AASS: variants seen among roughly 807,000 people sequenced by gnomAD.
The protein encoded by AASS is aminoadipate-semialdehyde synthase.
In AASS, 86 loss-of-function variants were observed where a neutral mutation model predicts 105.4. That is an observed-to-expected ratio of 0.82 (90% CI 0.69 to 0.98). The LOEUF is 0.98. AASS is among the 50% of genes least tolerant of loss of function. The pLI is 0.00. For missense variants in AASS, 1,048 were observed against 1,143.2 expected (o/e 0.92, Z 1.20); for synonymous variants, 381 against 394.8 (o/e 0.96, Z 0.41).
At chr7:122,083,198 T>C (rs1255372872) in intron 19 of AASS, among the ~76,000 whole-genome samples, 3 of 152,166 alleles carry the variant, frequency 2.0e-5, no homozygotes, top group African/African-American at 7.2e-5. Context: ...TTGTTCAAAC[T>C]GTTCAAAGGT....
At chr7:122,113,327 T>C in intron 10 of AASS, 98 bp from the exon 11 acceptor site, 2 of 1,159,036 alleles carry the variant, frequency 1.7e-6, no homozygotes, top group Non-Finnish European at 2.5e-6. Context: ...TTCATTATCA[T>C]TTGTAATTTT....
At chr7:122,140,418 G>A (rs528666746) in intron 1 of AASS, among the ~76,000 whole-genome samples, 2 of 143,502 alleles carry the variant, frequency 1.4e-5, no homozygotes, top group African/African-American at 5.3e-5. Flanking sequence ...CCCGGGAGGC[G>A]GAGCTTGCAG....
rs762222413 is a variant in AASS at position 122,118,604 on chromosome 7, C to A, written c.499G>T (p.Gly167Cys). The change falls in exon 5 of 24, where the codon GGT (glycine) becomes TGT (cysteine). Residue 167 changes from glycine to cysteine, a missense_variant. Physicochemically the swap from Gly to Cys is radical, Grantham distance 159. Coordinates refer to ENST00000417368, the MANE Select transcript of AASS (RefSeq NM_005763.4). ...AGMINILHGM[G>C]LRLLALGHHT... ...TGTCCCAAAGCAAGGAGCCTTAAACCCATTCCATGTAAAATGTTGATCATT... is the reference window on the plus strand; with the variant it reads ...TGTCCCAAAGCAAGGAGCCTTAAACACATTCCATGTAAAATGTTGATCATT... 6.2e-6 allele frequency: 10 copies of A among 1,613,878 alleles called. No homozygotes were observed. Among genetic ancestry groups the A allele is most frequent in the Non-Finnish European group, 8.5e-6 (10 of 1,179,924 alleles).
At chr7:122,082,335 G>C (rs1446213858) in intron 19 of AASS, among the ~76,000 whole-genome samples, 1 of 152,088 alleles carries the variant, frequency 6.6e-6, no homozygotes, top group Non-Finnish European at 1.5e-5. Flanking sequence ...CCAGAAACCA[G>C]GGCCTCTGTA....
intron 9 of AASS, 131 bp from the exon 10 acceptor site, chr7:122,113,851 C>CTA: frequency 8.6e-6 from 8 of 933,186 alleles, no homozygotes; most frequent in Non-Finnish European, 1.3e-5. Flanking sequence ...GGTCTTTTTC[C>CTA]TATAGCTCAT....
Position 122,129,368 on chromosome 7 carries a change from A to G in AASS, c.380T>C (p.Leu127Pro), listed in dbSNP as rs1375923557. ...ATATTAATCACTAATTACCTGTTTT[A>G]GAATCTCATCCAACAAGCCCATATT... ...EANMGLLDEI[L>P]KQEIRLIDYE... The change falls in exon 3 of 24, where the codon CTA becomes CCA. Residue 127 changes from leucine to proline, a missense_variant. Leu to Pro is a moderately conservative substitution (Grantham distance 98, BLOSUM62 -3). Coordinates refer to ENST00000417368, the MANE Select transcript of AASS (RefSeq NM_005763.4). 4 of 1,600,754 alleles carry G rather than the reference A, an allele frequency of 2.5e-6. No homozygotes were observed. Among genetic ancestry groups the G allele is most frequent in the Non-Finnish European group, 3.4e-6 (4 of 1,172,078 alleles).
chr7:122,139,497 A>T (rs1013777952), intron 1 of AASS, among the ~76,000 whole-genome samples: 1 of 151,880 alleles, frequency 6.6e-6, no homozygotes, highest in Non-Finnish European at 1.5e-5. Flanking sequence ...GAAATAGGGG[A>T]TTTTTTTCTG....
At chr7:122,129,315 T>C in intron 3 of AASS, 46 bp downstream of exon 3, 2 of 1,301,662 alleles carry the variant, frequency 1.5e-6, no homozygotes, top group East Asian at 2.8e-5. Context: ...AAGTAAAAAA[T>C]ATTATTTTTC....
intron 22 of AASS, 111 bp downstream of exon 22, chr7:122,078,751 C>T: frequency 1.0e-6 from 1 of 994,558 alleles, no homozygotes; most frequent in Non-Finnish European, 1.6e-6. Context: ...TTCTTCATAT[C>T]ACATCTTCCC....
intron 1 of AASS, among the ~76,000 whole-genome samples, chr7:122,138,562 T>C (rs958823134): frequency 1.3e-5 from 2 of 152,132 alleles, no homozygotes; most frequent in African/African-American, 4.8e-5. Context: ...ACTGAAACCA[T>C]GGAAAGCGAA....
chr7:122,106,926 C>T (rs542197382), intron 11 of AASS, among the ~76,000 whole-genome samples: 30 of 152,016 alleles, frequency 2.0e-4, no homozygotes, highest in African/African-American at 7.0e-4. Flanking sequence ...GGGTTTTGCA[C>T]AGCAAAAGAA....
intron 20 of AASS, among the ~76,000 whole-genome samples, 177 bp downstream of exon 20, chr7:122,081,323 C>T (rs1191523097): frequency 1.3e-5 from 2 of 152,182 alleles, no homozygotes; most frequent in Non-Finnish European, 2.9e-5. Context: ...CAGCCCCACA[C>T]CCTCTCCATT....
chr7:122,122,680 A>G (rs901310935), intron 4 of AASS, among the ~76,000 whole-genome samples: 1 of 152,218 alleles, frequency 6.6e-6, no homozygotes, highest in African/African-American at 2.4e-5. Flanking sequence ...AGTAGAGGAA[A>G]TCAATCTATC....
chr7:122,090,634 A>G (rs965759062), intron 18 of AASS, among the ~76,000 whole-genome samples: 7 of 152,160 alleles, frequency 4.6e-5, no homozygotes, highest in African/African-American at 1.7e-4. Context: ...CTGCAGGGCC[A>G]GGACTAGGGC....
chr7:122,110,941 T>C (rs1794903043), intron 11 of AASS, among the ~76,000 whole-genome samples: 3 of 152,114 alleles, frequency 2.0e-5, no homozygotes, highest in African/African-American at 7.2e-5. Context: ...TGAAAACCAA[T>C]TGACACAATT....
chr7:122,126,401 G>A lies in AASS; in HGVS notation c.446C>T (p.Ala149Val). 6.2e-7 allele frequency: 1 copy of A among 1,613,970 alleles called. No individual in the cohort carries two copies. The highest frequency in any genetic ancestry group is 8.5e-7 in the Non-Finnish European group (1 of 1,179,922). Residue 149 changes from alanine (A) to valine (V), a missense_variant, in exon 4 of 24, where the codon GCA (alanine) becomes GTA (valine). Physicochemically the swap from Ala to Val is moderately conservative, Grantham distance 64 (BLOSUM62 0). Coordinates refer to ENST00000417368, the MANE Select transcript of AASS (RefSeq NM_005763.4). ...MVDHRGVRVV[A>V]FGQWAGVAGM... The stretch of plus-strand genomic sequence containing the variant: ...TGCCACACCAGCCCACTGTCCAAAT[G>A]CCACTACCCGTACTCCTCTATGATC...
At chr7:122,079,388 T>G in intron 21 of AASS, 3 of 1,355,932 alleles carry the variant, frequency 2.2e-6, no homozygotes, top group Non-Finnish European at 2.9e-6. Context: ...TGTTTCGAGA[T>G]AAGCATTTCT....
Position 122,116,959 on chromosome 7 carries a change from T to C in AASS, c.688-2A>G. On this transcript the variant is annotated splice_acceptor_variant, in intron 6 of 23. Transcript: ENST00000417368. LOFTEE classifies it high-confidence loss of function. ...CTCATTAAAGATTGCTTGGGCTCCC[T>C]ACAAATAACACATGAGTAAAAATCC... 6.2e-7 allele frequency: 1 copy of C among 1,613,050 alleles called. No homozygotes were observed. The highest frequency in any genetic ancestry group is 8.5e-7 in the Non-Finnish European group (1 of 1,179,412).
Position 122,079,584 on chromosome 7 carries a change from G to T in AASS, c.2396+13C>A. The T allele has an allele frequency of 1.3e-6, 2 of 1,569,942 alleles. No individual in the cohort carries two copies. ...CAGTATATTTTGCTCTAAGTTGAGTGGTGGGTGCCTACCATTCAGCAGCCT... is the reference window on the plus strand; with the variant it reads ...CAGTATATTTTGCTCTAAGTTGAGTTGTGGGTGCCTACCATTCAGCAGCCT... On this transcript the variant is annotated intron_variant, in intron 21 of 23. Coordinates refer to ENST00000417368, the MANE Select transcript of AASS (RefSeq NM_005763.4).
Sources: allele counts gnomAD v4.1 joint callset (sites outside exome capture counted in the v4.1 genomes callset), GRCh38; gene constraint gnomAD v4.1.1; transcripts MANE v1.5; gene names NCBI Gene and HGNC (gene_info 2026-07-23, HGNC 2026-07-21).